MMP16: variants seen among roughly 807,000 people sequenced by gnomAD.
MMP16 encodes the protein matrix metalloproteinase-16.
A neutral mutation model predicts 67.8 loss-of-function variants in MMP16; 12 were observed. The ratio of observed to expected loss-of-function variants is 0.18; its 90% CI spans 0.11 to 0.29. MMP16 has a LOEUF of 0.29. Ranked by LOEUF, MMP16 falls within the 10% of genes least tolerant of loss-of-function variation. The pLI is 1.00. For missense variants in MMP16, 475 were observed against 765.7 expected (o/e 0.62, Z 4.48); for synonymous variants, 249 against 255.9 (o/e 0.97, Z 0.26).
At chr8:88,210,497 G>C (rs1172376079) in intron 1 of MMP16, among the ~76,000 whole-genome samples, 1 of 152,044 alleles carries the variant, frequency 6.6e-6, no homozygotes, top group Non-Finnish European at 1.5e-5. Context: ...GCCATTTTCT[G>C]CCTACTGGGT....
chr8:88,311,691 G>C (rs1811297229), intron 1 of MMP16, among the ~76,000 whole-genome samples: 1 of 151,816 alleles, frequency 6.6e-6, no homozygotes, highest in Non-Finnish European at 1.5e-5. Context: ...AACCATAATA[G>C]AAGATTCTGG....
chr8:88,266,221 AAG>A (rs1810474788), intron 1 of MMP16, among the ~76,000 whole-genome samples: 1 of 152,154 alleles, frequency 6.6e-6, no homozygotes, highest in African/African-American at 2.4e-5. Context: ...GATGGAAACC[AAG>A]AGAGTAAATA....
intron 6 of MMP16, among the ~76,000 whole-genome samples, chr8:88,096,226 T>A (rs889729212): frequency 1.3e-5 from 2 of 151,952 alleles, no homozygotes; most frequent in Non-Finnish European, 2.9e-5. Context: ...ATTGAAAGAA[T>A]ATTAATGGGT....
intron 1 of MMP16, among the ~76,000 whole-genome samples, chr8:88,289,326 T>C (rs1810884063): frequency 6.6e-6 from 1 of 152,190 alleles, no homozygotes; most frequent in African/African-American, 2.4e-5. Context: ...CAAAATTTTC[T>C]ACATTGTATA....
chr8:88,119,684 A>G (rs1435263201), intron 4 of MMP16, among the ~76,000 whole-genome samples: 1 of 151,998 alleles, frequency 6.6e-6, no homozygotes, highest in Non-Finnish European at 1.5e-5. Flanking sequence ...GATCATCATA[A>G]CCATATGCAT....
chr8:88,268,993 C>T (rs558329830), intron 1 of MMP16, among the ~76,000 whole-genome samples: 1 of 152,068 alleles, frequency 6.6e-6, no homozygotes, highest in African/African-American at 2.4e-5. Context: ...AGGATCTAGG[C>T]AGGATTCCCT....
chr8:88,169,236 GA>G (rs1412052892), intron 3 of MMP16, among the ~76,000 whole-genome samples: 2 of 152,034 alleles, frequency 1.3e-5, no homozygotes, highest in South Asian at 4.1e-4. Context: ...CTTTCCAGTG[GA>G]AAAAAATAAT....
chr8:88,326,562 A>C (rs1408984457), intron 1 of MMP16, among the ~76,000 whole-genome samples: 3 of 152,006 alleles, frequency 2.0e-5, no homozygotes, highest in Admixed American at 6.6e-5. Flanking sequence ...AAAAAAAAAG[A>C]TTCTCAAGTG....
At chr8:88,265,769 C>CAA (rs955854050) in intron 1 of MMP16, among the ~76,000 whole-genome samples, 2 of 152,020 alleles carry the variant, frequency 1.3e-5, no homozygotes, top group Non-Finnish European at 1.5e-5. Context: ...GTAACTAGAA[C>CAA]AAAAAACTGA....
At chr8:88,202,577 G>GT (rs568862291) in intron 1 of MMP16, among the ~76,000 whole-genome samples, 47 of 150,756 alleles carry the variant, frequency 3.1e-4, no homozygotes, top group Admixed American at 6.6e-4. Flanking sequence ...AGATTTTACT[G>GT]TTTTTTTTTC....
intron 8 of MMP16, among the ~76,000 whole-genome samples, chr8:88,054,774 G>C (rs1473906893): frequency 6.6e-6 from 1 of 152,142 alleles, no homozygotes; most frequent in Non-Finnish European, 1.5e-5. Flanking sequence ...CTTAATGTTT[G>C]AAACCATTTG....
chr8:88,231,875 T>G (rs1364614042), intron 1 of MMP16, among the ~76,000 whole-genome samples: 1 of 152,216 alleles, frequency 6.6e-6, no homozygotes, highest in Admixed American at 6.5e-5. Flanking sequence ...AATATATGTA[T>G]TTTTATGTTA....
chr8:88,265,223 C>CTTTTTTTTTTTTTTTTTGTTT (rs1810455957), intron 1 of MMP16, among the ~76,000 whole-genome samples: 1 of 100,780 alleles, frequency 9.9e-6, no homozygotes, highest in African/African-American at 4.0e-5. Flanking sequence ...TGACCATTTC[C>CTTTTTTTTTTTTTTTTTGTTT]TTTTTTTTTT....
rs1310432865 is a variant in MMP16 at position 88,038,188 on chromosome 8, T to C, written c.*3273A>G. 2 of 152,146 alleles carry C rather than the reference T, an allele frequency of 1.3e-5. No individual in the cohort carries two copies. The highest frequency in any genetic ancestry group is 1.9e-4 in the East Asian group (1 of 5,186). 9.4% of individuals were successfully genotyped at this position (152,146 alleles called of 1,614,324 possible). A position where few individuals can be genotyped will look rare whatever the true frequency, so the allele number is the denominator to read the frequency against. On this transcript the variant is annotated 3_prime_UTR_variant, in exon 10 of 10. Coordinates refer to ENST00000286614, the MANE Select transcript of MMP16 (RefSeq NM_005941.5). This position sits in a 1 kb window ranked among gnomAD's most constrained non-coding sequence, Gnocchi z 4.1. ...AAGTAGCTGGTGTACAATAAACAAA[T>C]GGAATCCCACTGTTTGTGATTACAT... is the stretch of plus-strand genomic sequence containing the variant.
At chr8:88,318,620 G>A (rs986656704) in intron 1 of MMP16, among the ~76,000 whole-genome samples, 6 of 152,102 alleles carry the variant, frequency 3.9e-5, no homozygotes, top group African/African-American at 1.4e-4. Context: ...TTGATTTTAG[G>A]CTATCCCACT....
chr8:88,054,069 T>C (rs2118220647), intron 8 of MMP16, among the ~76,000 whole-genome samples: 1 of 152,316 alleles, frequency 6.6e-6, no homozygotes, highest in East Asian at 1.9e-4. Flanking sequence ...TCCTGAAACT[T>C]AAATGTTCCA....
At chr8:88,240,342 A>T (rs1374276108) in intron 1 of MMP16, among the ~76,000 whole-genome samples, 3 of 152,200 alleles carry the variant, frequency 2.0e-5, no homozygotes, top group Non-Finnish European at 4.4e-5. Flanking sequence ...GTAGTGAAAA[A>T]TGCCATCAGC....
chr8:88,071,684 A>G (rs1215885589), intron 7 of MMP16, among the ~76,000 whole-genome samples: 1 of 152,172 alleles, frequency 6.6e-6, no homozygotes, highest in African/African-American at 2.4e-5. Context: ...TTGGGGCTTG[A>G]ATCTTATTCT....
Position 88,035,958 on chromosome 8 carries a change from A to C in MMP16, c.*5503T>G, listed in dbSNP as rs1004582269. ...AATCACACCAGTGGAAAAAGTGGAA[A>C]ATGATTTCAGAAGTACATGAAAGAC... On this transcript the variant is annotated 3_prime_UTR_variant, in exon 10 of 10. Coordinates refer to ENST00000286614, the MANE Select transcript of MMP16 (RefSeq NM_005941.5). This position sits in a 1 kb window ranked among gnomAD's most constrained non-coding sequence, Gnocchi z 4.7. 13 of 150,268 alleles carry C rather than the reference A, an allele frequency of 8.7e-5. No homozygotes were observed. The highest frequency in any genetic ancestry group is 1.6e-4 in the Non-Finnish European group (11 of 67,866). 9.3% of individuals were successfully genotyped at this position (150,268 alleles called of 1,614,324 possible). A position where few individuals can be genotyped will look rare whatever the true frequency, so the allele number is the denominator to read the frequency against.
Sources: gnomAD v4.1 joint callset for allele counts (sites outside exome capture counted in the v4.1 genomes callset) on GRCh38, gnomAD v4.1.1 for gene constraint, Gnocchi (gnomAD v3.1) non-coding constraint, MANE v1.5 for transcripts, NCBI Gene and HGNC (gene_info 2026-07-23, HGNC 2026-07-21) for gene names.